CATSPERB: variants seen among roughly 807,000 people sequenced by gnomAD.
CATSPERB encodes cation channel sperm-associated auxiliary subunit beta.
A neutral mutation model predicts 128.3 loss-of-function variants in CATSPERB; 93 were observed. The observed-to-expected ratio is 0.72, with a 90% CI of 0.61 to 0.86. The LOEUF is 0.86. CATSPERB is among the 40% of genes least tolerant of loss of function. The pLI, the probability that CATSPERB is intolerant of heterozygous loss-of-function variation, is 0.00. For synonymous variants in CATSPERB, 381 were observed against 448.8 expected (o/e 0.85, Z 1.91); for missense variants, 1,153 against 1,329.5 (o/e 0.87, Z 2.06).
At chr14:91,703,170 T>C (rs1282395841) in intron 7 of CATSPERB, among the ~76,000 whole-genome samples, 3 of 152,184 alleles carry the variant, frequency 2.0e-5, no homozygotes, top group Non-Finnish European at 4.4e-5. Flanking sequence ...TTATATTCAC[T>C]GAATTTGGGG....
intron 17 of CATSPERB, among the ~76,000 whole-genome samples, chr14:91,628,714 A>G (rs548187222): frequency 5.3e-5 from 8 of 152,314 alleles, no homozygotes; most frequent in Non-Finnish European, 1.2e-4. Context: ...CTGTGAGTCA[A>G]TTAAACCTCT....
intron 13 of CATSPERB, among the ~76,000 whole-genome samples, chr14:91,671,836 G>A (rs1566726278): frequency 6.6e-6 from 1 of 151,796 alleles, no homozygotes; most frequent in Admixed American, 6.6e-5. Context: ...TCGAGACCAC[G>A]GTGAAACCCT....
At chr14:91,673,158 C>A (rs1293628038) in intron 12 of CATSPERB, 142 bp from the exon 13 acceptor site, 8 of 714,840 alleles carry the variant, frequency 1.1e-5, no homozygotes, top group Admixed American at 3.8e-5. Context: ...CCTCCCTGGT[C>A]TTAAAACCCA....
intron 17 of CATSPERB, among the ~76,000 whole-genome samples, chr14:91,629,043 T>C (rs1894221613): frequency 6.6e-6 from 1 of 152,246 alleles, no homozygotes; most frequent in South Asian, 2.1e-4. Flanking sequence ...CGAAAACTTA[T>C]ATCTATACAA....
chr14:91,662,193 T>C (rs1337880370), intron 14 of CATSPERB, among the ~76,000 whole-genome samples: 2 of 152,166 alleles, frequency 1.3e-5, no homozygotes, highest in African/African-American at 4.8e-5. Context: ...TCCAATATCC[T>C]GAATTTTGTG....
chr14:91,619,529 G>C (rs150575942), intron 19 of CATSPERB, among the ~76,000 whole-genome samples: 263 of 131,332 alleles, frequency 2.0e-3, no homozygotes, highest in African/African-American at 7.2e-3. Flanking sequence ...ACTTGGTTCT[G>C]TTTTTTCAAA....
At chr14:91,681,318 G>C (rs1161753758) in intron 11 of CATSPERB, among the ~76,000 whole-genome samples, 1 of 152,038 alleles carries the variant, frequency 6.6e-6, no homozygotes, top group Non-Finnish European at 1.5e-5. Flanking sequence ...GGAATGTCAG[G>C]GCAAACTGTG....
chr14:91,647,303 G>A (rs541434132), intron 15 of CATSPERB, among the ~76,000 whole-genome samples: 2 of 152,268 alleles, frequency 1.3e-5, no homozygotes, highest in South Asian at 4.1e-4. Context: ...CAGGGGTTCT[G>A]GTGTATGGTG....
intron 5 of CATSPERB, among the ~76,000 whole-genome samples, chr14:91,711,173 T>C (rs17127504): frequency 0.011 from 1,709 of 152,294 alleles, 34 homozygotes; most frequent in African/African-American, 0.039. Flanking sequence ...CCTGATTATA[T>C]TTTCATCATG....
chr14:91,716,250 CA>C (rs929576324), intron 5 of CATSPERB, among the ~76,000 whole-genome samples: 5 of 151,994 alleles, frequency 3.3e-5, no homozygotes, highest in African/African-American at 9.7e-5. Flanking sequence ...CAAATAAGCA[CA>C]AAAAAAGATG....
chr14:91,618,100 G>T (rs1009457161), intron 19 of CATSPERB, among the ~76,000 whole-genome samples: 3 of 152,118 alleles, frequency 2.0e-5, no homozygotes, highest in Non-Finnish European at 4.4e-5. Flanking sequence ...CTAAATAAGG[G>T]GTGGATTATT....
chr14:91,725,224 A>G (rs1312015488), intron 2 of CATSPERB, 56 bp from the exon 3 acceptor site: 1 of 724,384 alleles, frequency 1.4e-6, no homozygotes, highest in African/African-American at 1.9e-5. Context: ...TGTCCATAAA[A>G]AGTACCATGT....
intron 5 of CATSPERB, among the ~76,000 whole-genome samples, chr14:91,714,555 CTTTTT>C (rs56965295): frequency 4.5e-5 from 4 of 88,016 alleles, no homozygotes; most frequent in African/African-American, 1.5e-4. Flanking sequence ...CCATAAACTA[CTTTTT>C]TTTTTTTTTT....
chr14:91,615,206 G>C (rs974942048), intron 20 of CATSPERB, among the ~76,000 whole-genome samples: 1 of 152,146 alleles, frequency 6.6e-6, no homozygotes, highest in Non-Finnish European at 1.5e-5. Flanking sequence ...TACTGCCTGA[G>C]CTCCACCTCC....
intron 26 of CATSPERB, among the ~76,000 whole-genome samples, chr14:91,585,464 G>A (rs117863111): frequency 6.6e-6 from 1 of 152,116 alleles, no homozygotes; most frequent in East Asian, 1.9e-4. Flanking sequence ...TTTTTTTCCT[G>A]TTCCATATCC....
rs752828164 is a variant in CATSPERB at position 91,624,828 on chromosome 14, T to A, written c.1922A>T (p.Asp641Val). 8 of 1,592,694 alleles carry A rather than the reference T, an allele frequency of 5.0e-6. No homozygotes were observed. The East Asian group carries it at 1.8e-4, about 36-fold the overall frequency. ...KAGNVYKLTL[D>V]SQVVQALFED... ...GATATTATTATACCTACCTTGTGAA[T>A]CAAGAGTGAGTTTATAGACATTTCC... is the stretch of plus-strand genomic sequence containing the variant. Residue 641 changes from aspartate to valine, a missense_variant, in exon 18 of 27, where the codon GAT becomes GTT. By Grantham distance (152) the Asp-to-Val change is radical. Coordinates refer to ENST00000256343, the MANE Select transcript of CATSPERB (RefSeq NM_024764.4).
chr14:91,685,194 T>C (rs1895351941), intron 10 of CATSPERB, among the ~76,000 whole-genome samples: 1 of 152,154 alleles, frequency 6.6e-6, no homozygotes, highest in African/African-American at 2.4e-5. Flanking sequence ...TGTAAAGCAC[T>C]GGGACTATAG....
At chr14:91,715,433 T>G (rs751458249) in intron 5 of CATSPERB, among the ~76,000 whole-genome samples, 1 of 150,524 alleles carries the variant, frequency 6.6e-6, no homozygotes, top group Non-Finnish European at 1.5e-5. Context: ...GCGCCTGTAA[T>G]CCCAGCTACT....
chr14:91,611,344 T>C (rs1893822144), intron 20 of CATSPERB, among the ~76,000 whole-genome samples: 1 of 152,190 alleles, frequency 6.6e-6, no homozygotes, highest in Non-Finnish European at 1.5e-5. Flanking sequence ...GCACGGTGGC[T>C]CACGCCTGTA....
Sources: gnomAD v4.1 joint callset for allele counts (sites outside exome capture counted in the v4.1 genomes callset) on GRCh38, gnomAD v4.1.1 for gene constraint, MANE v1.5 for transcripts, NCBI Gene and HGNC (gene_info 2026-07-23, HGNC 2026-07-21) for gene names.